Variants in SLC26A5 observed in about 807,000 individuals in gnomAD.
SLC26A5 encodes prestin.
Under a neutral mutation model 81.0 loss-of-function variants are expected in SLC26A5, and 51 were observed. That is an observed-to-expected ratio of 0.63 (90% CI 0.50 to 0.80). The LOEUF is 0.80. SLC26A5 is among the 30% of genes least tolerant of loss of function. The probability of loss-of-function intolerance (pLI) is 0.00; values close to 1 mark genes in which losing one functional copy is unlikely to be tolerated. For missense variants in SLC26A5, 771 were observed against 905.8 expected, an observed-to-expected ratio of 0.85 and a Z score of 1.91; for synonymous variants, 325 against 332.8, an observed-to-expected ratio of 0.98 and a Z score of 0.25.
chr7:103,397,397 C>T (rs1299986957), intron 9 of SLC26A5, among the ~76,000 whole-genome samples: 9 of 151,674 alleles, frequency 5.9e-5, no homozygotes, highest in Admixed American at 1.3e-4. Flanking sequence ...AAAAATCAGC[C>T]GGGCGTGGTG....
downstream of SLC26A5, among the ~76,000 whole-genome samples, chr7:103,372,782 T>C (rs949424173): frequency 3.9e-5 from 6 of 152,022 alleles, no homozygotes; most frequent in Admixed American, 6.6e-5. Context: ...CTGGCCACAG[T>C]TGTGACAATT....
intron 19 of SLC26A5, among the ~76,000 whole-genome samples, chr7:103,365,583 C>T (rs949200534): frequency 2.0e-5 from 3 of 152,064 alleles, no homozygotes; most frequent in South Asian, 4.1e-4. Flanking sequence ...GAGCCAAGAT[C>T]GTGCCATTGC....
rs1554582952 is a variant in SLC26A5 at position 103,395,501 on chromosome 7, G to GTATGTA, written c.971+2430_971+2431insTACATA. Among the ~76,000 whole-genome samples the GTATGTA allele has an allele frequency of 6.6e-5, 7 of 106,656 alleles. No individual in the cohort carries two copies. In the East Asian group the frequency reaches 1.6e-3, roughly 24 times the overall value. 70.0% of individuals were successfully genotyped at this position (106,656 alleles called of 152,430 possible). A position where few individuals can be genotyped will look rare whatever the true frequency, so the allele number is the denominator to read the frequency against. Reference sequence around the variant, plus strand: ...TATATATATACGCATATATATGTATGTATATATATATATATATATAAATTT... The same window carrying GTATGTA: ...TATATATATACGCATATATATGTATGTATGTATATATATATATATATATATAAATTT... On this transcript the variant is annotated intron_variant, in intron 9 of 19. Coordinates refer to ENST00000306312, the MANE Select transcript of SLC26A5 (RefSeq NM_198999.3).
intron 2 of SLC26A5, among the ~76,000 whole-genome samples, chr7:103,423,146 C>G (rs976365282): frequency 6.7e-6 from 1 of 149,840 alleles, no homozygotes; most frequent in African/African-American, 2.5e-5. Context: ...GTGATGCACA[C>G]GTGTAATCCC....
intron 14 of SLC26A5, among the ~76,000 whole-genome samples, chr7:103,380,923 A>C (rs1821727320): frequency 6.6e-6 from 1 of 151,510 alleles, no homozygotes; most frequent in Non-Finnish European, 1.5e-5. Flanking sequence ...CAGAATACAC[A>C]CACATTATAC....
chr7:103,416,668 T>A (rs1242236737), intron 4 of SLC26A5, among the ~76,000 whole-genome samples: 1 of 152,130 alleles, frequency 6.6e-6, no homozygotes, highest in Non-Finnish European at 1.5e-5. Flanking sequence ...ACATTTCAGC[T>A]TCCTCTACTC....
At chr7:103,360,078 C>CAA (rs879838360) in intron 19 of SLC26A5, among the ~76,000 whole-genome samples, 4 of 105,370 alleles carry the variant, frequency 3.8e-5, no homozygotes, top group East Asian at 2.7e-4. Context: ...GATTCCGTCT[C>CAA]AAAAAAAAAA....
intron 8 of SLC26A5, among the ~76,000 whole-genome samples, chr7:103,405,179 T>G (rs1182251183): frequency 6.6e-6 from 1 of 152,200 alleles, no homozygotes; most frequent in Non-Finnish European, 1.5e-5. Context: ...TGAAGCTTAC[T>G]TCTGTCCATT....
intron 2 of SLC26A5, among the ~76,000 whole-genome samples, chr7:103,422,120 T>C (rs1825398087): frequency 6.6e-6 from 1 of 152,214 alleles, no homozygotes; most frequent in Non-Finnish European, 1.5e-5. Context: ...TCTAATATTG[T>C]TTTGAAGTTG....
chr7:103,438,433 A>G (rs1343573538), intron 2 of SLC26A5, among the ~76,000 whole-genome samples: 1 of 151,140 alleles, frequency 6.6e-6, no homozygotes, highest in African/African-American at 2.4e-5. Context: ...ACTCACTGCA[A>G]CCTCTGCCTC....
chr7:103,402,982 G>A lies in SLC26A5; in HGVS notation c.888+4869C>T, dbSNP rs577551846. Among the ~76,000 whole-genome samples, 34 of 152,178 alleles carry A rather than the reference G, an allele frequency of 2.2e-4. No individual in the cohort carries two copies. The South Asian group carries it at 6.8e-3, about 31-fold the overall frequency. On this transcript the variant is annotated intron_variant, in intron 8 of 19. Transcript: ENST00000306312. Reference sequence around the variant, plus strand: ...TTGTGATGTTAGGGTGTTGATTTTAGATTTTCCCACTTTCTCCTGTGGGCA... The same window carrying A: ...TTGTGATGTTAGGGTGTTGATTTTAAATTTTCCCACTTTCTCCTGTGGGCA...
At chr7:103,378,038 A>T (rs1821488850) in intron 17 of SLC26A5, among the ~76,000 whole-genome samples, 1 of 152,236 alleles carries the variant, frequency 6.6e-6, no homozygotes. Flanking sequence ...TTCTTGTCCA[A>T]CAAAATCCAC....
intron 4 of SLC26A5, among the ~76,000 whole-genome samples, chr7:103,416,951 T>C (rs982636795): frequency 3.9e-5 from 6 of 152,190 alleles, no homozygotes; most frequent in Non-Finnish European, 8.8e-5. Flanking sequence ...CTACATTTTG[T>C]TTTTCATATT....
chr7:103,387,352 C>G (rs1164611865), intron 14 of SLC26A5, among the ~76,000 whole-genome samples: 1 of 152,164 alleles, frequency 6.6e-6, no homozygotes, highest in Non-Finnish European at 1.5e-5. Context: ...TCAACATCCT[C>G]ATAAAGTGCC....
intron 15 of SLC26A5, 68 bp from the exon 16 acceptor site, chr7:103,379,403 C>G: frequency 9.7e-7 from 1 of 1,028,752 alleles, no homozygotes; most frequent in Non-Finnish European, 1.5e-6. Flanking sequence ...CATAGCTTCC[C>G]CACCCCAAAT....
rs369679338 is a variant in SLC26A5, at chr7:103,413,129, C to T, written c.293-17G>A. On this transcript the variant is annotated splice_polypyrimidine_tract_variant and intron_variant, in intron 4 of 19. Coordinates refer to ENST00000306312, the MANE Select transcript of SLC26A5 (RefSeq NM_198999.3). ...AGGCTAAGCCTGTGGGATTAAAAAC[C>T]AAACAGAAATGGGGGATCATTAGAA... 1 of 1,533,652 alleles carries T rather than the reference C, an allele frequency of 6.5e-7. No homozygotes were observed. Among genetic ancestry groups the T allele is most frequent in the Non-Finnish European group, 9.0e-7 (1 of 1,107,098 alleles).
At chr7:103,362,567 T>A in intron 19 of SLC26A5, 1 of 1,421,276 alleles carries the variant, frequency 7.0e-7, no homozygotes, top group Non-Finnish European at 9.5e-7. Context: ...TTTATATAAT[T>A]AGGGACTCTG....
chr7:103,386,180 C>T (rs1278792795), intron 14 of SLC26A5, among the ~76,000 whole-genome samples: 1 of 151,932 alleles, frequency 6.6e-6, no homozygotes, highest in South Asian at 2.1e-4. Flanking sequence ...ATCCGCTTGC[C>T]TCAGTCTCCC....
intron 14 of SLC26A5, among the ~76,000 whole-genome samples, chr7:103,382,422 T>C (rs1821875943): frequency 6.8e-6 from 1 of 146,936 alleles, no homozygotes; most frequent in Non-Finnish European, 1.5e-5. Flanking sequence ...CAATCTTGGC[T>C]CATTGCAACC....
Sources: allele counts gnomAD v4.1 joint callset (sites outside exome capture counted in the v4.1 genomes callset), GRCh38; gene constraint gnomAD v4.1.1; transcripts MANE v1.5; gene names NCBI Gene and HGNC (gene_info 2026-07-23, HGNC 2026-07-21).